The following NOS1AP variants were observed in gnomAD, a reference collection of about 807,000 sequenced individuals.
NOS1AP encodes the protein carboxyl-terminal PDZ ligand of neuronal nitric oxide synthase protein.
In NOS1AP, 21 loss-of-function variants were observed where a neutral mutation model predicts 56.2. The observed-to-expected ratio is 0.37, with a 90% CI of 0.26 to 0.54. The LOEUF (loss-of-function observed/expected upper bound fraction) is 0.54, where lower values mean the gene tolerates loss of function less well. NOS1AP is among the 20% of genes least tolerant of loss of function. NOS1AP has a pLI of 0.84. For synonymous variants in NOS1AP, 270 were observed against 274.6 expected, an observed-to-expected ratio of 0.98 and a Z score of 0.17; for missense variants, 522 against 657.8, an observed-to-expected ratio of 0.79 and a Z score of 2.26.
chr1:162,316,557 C>G (rs1312004419), intron 4 of NOS1AP, among the ~76,000 whole-genome samples: 1 of 152,188 alleles, frequency 6.6e-6, no homozygotes, highest in Non-Finnish European at 1.5e-5. Flanking sequence ...TGAAGAGACC[C>G]CCAAACAGGC....
chr1:162,186,236 C>T (rs953140326), intron 2 of NOS1AP, among the ~76,000 whole-genome samples: 1 of 152,106 alleles, frequency 6.6e-6, no homozygotes, highest in Non-Finnish European at 1.5e-5. Flanking sequence ...AATGTCATTG[C>T]ATTTGGTTCT....
At chr1:162,327,856 G>A (rs533642823) in intron 4 of NOS1AP, among the ~76,000 whole-genome samples, 9 of 152,284 alleles carry the variant, frequency 5.9e-5, no homozygotes, top group Non-Finnish European at 1.2e-4. Flanking sequence ...GAATATGTAC[G>A]GAAAAAGTTA....
At chr1:162,173,335 A>ATGGTTAGTTTTGTATTATTTTATT (rs1650895625) in intron 2 of NOS1AP, among the ~76,000 whole-genome samples, 1 of 152,162 alleles carries the variant, frequency 6.6e-6, no homozygotes, top group Non-Finnish European at 1.5e-5. Flanking sequence ...TCCCTATTTA[A>ATGGTTAGTTTTGTATTATTTTATT]TAAGTGGTGC....
At chr1:162,089,674 A>AG (rs1317552787) in intron 1 of NOS1AP, among the ~76,000 whole-genome samples, 2 of 152,206 alleles carry the variant, frequency 1.3e-5, no homozygotes, top group African/African-American at 4.8e-5. Context: ...TACAAGAGGG[A>AG]GGGAGGGGGA....
chr1:162,138,663 C>A (rs547614303), intron 1 of NOS1AP, among the ~76,000 whole-genome samples: 2 of 152,076 alleles, frequency 1.3e-5, no homozygotes, highest in African/African-American at 4.8e-5. Flanking sequence ...TTTTCAGCAC[C>A]CGTTTCTTCC....
At chr1:162,306,410 C>T (rs1414556704) in intron 4 of NOS1AP, among the ~76,000 whole-genome samples, 3 of 152,188 alleles carry the variant, frequency 2.0e-5, no homozygotes, top group Non-Finnish European at 4.4e-5. Context: ...CATCCATTCT[C>T]TCCCAGAATA....
intron 2 of NOS1AP, among the ~76,000 whole-genome samples, chr1:162,242,574 CT>C (rs1653519264): frequency 6.6e-6 from 1 of 152,190 alleles, no homozygotes; most frequent in Non-Finnish European, 1.5e-5. Context: ...AGATGCAGCC[CT>C]AGCCAACATC....
At position 162,261,511 on chromosome 1, in the gene NOS1AP, A is replaced by AAGAGAAGAGAAGAGAAGAGAG. The variant is rs778383324; in HGVS notation, c.178-25833_178-25832insAGAGAAGAGAAGAGAAGAGAG. Among the ~76,000 whole-genome samples, 2 of 21,274 alleles carry AAGAGAAGAGAAGAGAAGAGAG rather than the reference A, an allele frequency of 9.4e-5. 1 individual carries two copies. Among genetic ancestry groups the AAGAGAAGAGAAGAGAAGAGAG allele is most frequent in the Non-Finnish European group, 3.0e-4 (2 of 6,774 alleles). 14.0% of individuals were successfully genotyped at this position (21,274 alleles called of 152,430 possible). On this transcript the variant is annotated intron_variant, in intron 2 of 9. Coordinates refer to ENST00000361897, the MANE Select transcript of NOS1AP (RefSeq NM_014697.3). ...GAGAGAGAGAGAGAGAGAGAGAGAG[A>AAGAGAAGAGAAGAGAAGAGAG]GAGAGAGAGAGAGAGAGAGAGAGAG...
chr1:162,168,473 C>T (rs1469835588), intron 2 of NOS1AP, among the ~76,000 whole-genome samples: 2 of 152,202 alleles, frequency 1.3e-5, no homozygotes, highest in Admixed American at 6.5e-5. Flanking sequence ...ACATCAGCTG[C>T]TACAGCTGTG....
rs565786964 is a variant in NOS1AP at position 162,289,464 on chromosome 1, C to CTTTTTTTTTTTTTTTT, written c.270+2032_270+2033insTTTTTTTTTTTTTTTT. Among the ~76,000 whole-genome samples the CTTTTTTTTTTTTTTTT allele has an allele frequency of 4.4e-5, 2 of 45,050 alleles. 1 individual carries two copies. 29.6% of individuals were successfully genotyped at this position (45,050 alleles called of 152,430 possible). On this transcript the variant is annotated intron_variant, in intron 3 of 9. Coordinates refer to ENST00000361897, the MANE Select transcript of NOS1AP (RefSeq NM_014697.3). ...TGGCGCCTGCCACCACGCCCAGCTA[C>CTTTTTTTTTTTTTTTT]TTTTCTTTTTTTTTTTTTTTTTTTT...
At chr1:162,287,135 G>A (rs1469348018) in intron 2 of NOS1AP, among the ~76,000 whole-genome samples, 1 of 152,096 alleles carries the variant, frequency 6.6e-6, no homozygotes, top group East Asian at 1.9e-4. Context: ...GCTGAGAAGT[G>A]GTATAGACTA....
In NOS1AP at chr1:162,289,569, G is replaced by A. The variant is rs575820543; in HGVS notation, c.270+2133G>A. 9.7e-5 allele frequency among the ~76,000 whole-genome samples: 14 copies of A among 143,658 alleles called. No homozygotes were observed. In the South Asian group the frequency reaches 2.7e-3, roughly 27 times the overall value. 94.2% of individuals were successfully genotyped at this position (143,658 alleles called of 152,430 possible). ...GGCTCACTGCAAGCTCCGCCTCCCGGGTTCACGCCATTCTCCTGCCTCAGC... is the reference window on the plus strand; with the variant it reads ...GGCTCACTGCAAGCTCCGCCTCCCGAGTTCACGCCATTCTCCTGCCTCAGC... On this transcript the variant is annotated intron_variant, in intron 3 of 9. Coordinates refer to ENST00000361897, the MANE Select transcript of NOS1AP (RefSeq NM_014697.3).
chr1:162,165,441 C>T (rs1401629193), intron 2 of NOS1AP, among the ~76,000 whole-genome samples: 1 of 152,198 alleles, frequency 6.6e-6, no homozygotes, highest in East Asian at 1.9e-4. Flanking sequence ...AAGCACTTAA[C>T]AAGATTTGTT....
At chr1:162,325,595 G>A (rs1656561118) in intron 4 of NOS1AP, among the ~76,000 whole-genome samples, 3 of 152,264 alleles carry the variant, frequency 2.0e-5, no homozygotes, top group South Asian at 4.1e-4. Flanking sequence ...CCCGAGACCA[G>A]GAGTCATGCT....
chr1:162,194,940 C>G (rs1050753928), intron 2 of NOS1AP, among the ~76,000 whole-genome samples: 12 of 152,116 alleles, frequency 7.9e-5, no homozygotes, highest in Admixed American at 6.6e-4. Context: ...AGTATTTCCC[C>G]TGGATGTATT....
intron 1 of NOS1AP, among the ~76,000 whole-genome samples, chr1:162,111,900 C>G (rs1387759081): frequency 6.6e-6 from 1 of 152,186 alleles, no homozygotes; most frequent in African/African-American, 2.4e-5. Context: ...AACCTGCAGT[C>G]CTCAGGGCCT....
intron 2 of NOS1AP, among the ~76,000 whole-genome samples, chr1:162,220,805 A>C (rs2101657204): frequency 6.6e-6 from 1 of 152,290 alleles, no homozygotes; most frequent in Admixed American, 6.5e-5. Context: ...CGCTCTTGGA[A>C]TCTTTGGGCC....
intron 5 of NOS1AP, among the ~76,000 whole-genome samples, chr1:162,341,273 G>A (rs1657098302): frequency 6.6e-6 from 1 of 152,176 alleles, no homozygotes; most frequent in East Asian, 1.9e-4. Context: ...AGGAAAACCT[G>A]AGATGTTATA....
chr1:162,162,398 C>G (rs1403438537), intron 2 of NOS1AP, among the ~76,000 whole-genome samples: 2 of 152,112 alleles, frequency 1.3e-5, no homozygotes, highest in African/African-American at 4.8e-5. Context: ...GTACTGAAGG[C>G]GGGGCTGATA....
Sources: allele counts gnomAD v4.1 joint callset (sites outside exome capture counted in the v4.1 genomes callset), GRCh38; gene constraint gnomAD v4.1.1; transcripts MANE v1.5; gene names NCBI Gene and HGNC (gene_info 2026-07-23, HGNC 2026-07-21).